APPBP2: variants seen among roughly 807,000 people sequenced by gnomAD.
APPBP2 encodes the protein amyloid protein-binding protein 2.
Under a neutral mutation model 76.0 loss-of-function variants are expected in APPBP2, and 15 were observed. That is an observed-to-expected ratio of 0.20 (90% CI 0.13 to 0.30). APPBP2 has a LOEUF of 0.30. Among genes scored for constraint, APPBP2 ranks in the 10% least tolerant of loss-of-function variants. The probability of loss-of-function intolerance (pLI) is 1.00; values close to 1 mark genes in which losing one functional copy is unlikely to be tolerated. For missense variants in APPBP2, 401 were observed against 687.2 expected, an observed-to-expected ratio of 0.58 and a Z score of 4.66; for synonymous variants, 222 against 242.2, an observed-to-expected ratio of 0.92 and a Z score of 0.77.
chr17:60,508,498 A>G (rs1053444301), intron 1 of APPBP2, among the ~76,000 whole-genome samples: 12 of 152,238 alleles, frequency 7.9e-5, no homozygotes, highest in African/African-American at 2.9e-4. Context: ...GAAAGCAGCT[A>G]GGAAAGAAGG....
At chr17:60,471,306 T>C (rs1476249380) in intron 4 of APPBP2, among the ~76,000 whole-genome samples, 1 of 152,204 alleles carries the variant, frequency 6.6e-6, no homozygotes, top group Non-Finnish European at 1.5e-5. Flanking sequence ...TGATGATTTT[T>C]ATTTTTCTTG....
intron 4 of APPBP2, among the ~76,000 whole-genome samples, chr17:60,467,327 T>C (rs188639509): frequency 1.5e-4 from 23 of 152,294 alleles, no homozygotes; most frequent in African/African-American, 5.1e-4. Context: ...AATCAACAGA[T>C]ACAAAAAATT....
chr17:60,525,537 G>A (rs2091046235), intron 1 of APPBP2, among the ~76,000 whole-genome samples: 1 of 152,222 alleles, frequency 6.6e-6, no homozygotes, highest in South Asian at 2.1e-4. Context: ...GCCTACCCAA[G>A]AGGGCCACTG....
At position 60,460,624 on chromosome 17, in the gene APPBP2, A is replaced by T. The variant is rs547102630; in HGVS notation, c.1061+39T>A. On this transcript the variant is annotated intron_variant, in intron 9 of 12. Coordinates refer to ENST00000083182, the MANE Select transcript of APPBP2 (RefSeq NM_006380.5). ...GGAAAAAACAAAATAAAACAAAAACAGTATTTCCTCCTTCAGAGAAAAGGA... is the reference window on the plus strand; with the variant it reads ...GGAAAAAACAAAATAAAACAAAAACTGTATTTCCTCCTTCAGAGAAAAGGA... The T allele has an allele frequency of 1.9e-6, 3 of 1,583,376 alleles. No individual in the cohort carries two copies. The Admixed American group carries it at 5.5e-5, about 29-fold the overall frequency.
intron 1 of APPBP2, among the ~76,000 whole-genome samples, chr17:60,514,994 G>A (rs150858860): frequency 2.8e-4 from 42 of 151,844 alleles, no homozygotes; most frequent in Admixed American, 4.6e-4. Flanking sequence ...AGTAGAGACG[G>A]GGTTTCACTA....
At chr17:60,502,936 T>C (rs2143459498) in intron 1 of APPBP2, among the ~76,000 whole-genome samples, 1 of 146,700 alleles carries the variant, frequency 6.8e-6, no homozygotes, top group Middle Eastern at 3.4e-3. Context: ...TACAATTCAC[T>C]GCATTCCTTT....
At chr17:60,472,124 T>C (rs1220088976) in intron 4 of APPBP2, among the ~76,000 whole-genome samples, 1 of 152,144 alleles carries the variant, frequency 6.6e-6, no homozygotes. Context: ...AGACTCTGTC[T>C]CATAAAATAA....
In APPBP2 at chr17:60,464,129, G is replaced by C. The variant is rs1445786667; in HGVS notation, c.673-19C>G. On this transcript the variant is annotated intron_variant, in intron 5 of 12. Transcript: ENST00000083182. Reference sequence around the variant, plus strand: ...TGTATGCCTAAAAAAATTATTTATAGAAGAGACAGAACTGTGGTTAAATCA... The same window carrying C: ...TGTATGCCTAAAAAAATTATTTATACAAGAGACAGAACTGTGGTTAAATCA... The C allele has an allele frequency of 6.3e-7, 1 of 1,576,986 alleles. No individual in the cohort carries two copies. Among genetic ancestry groups the C allele is most frequent in the Non-Finnish European group, 8.7e-7 (1 of 1,153,880 alleles).
Position 60,447,496 on chromosome 17 carries a change from G to GC in APPBP2, c.*84dup, listed in dbSNP as rs2090357947. ...GACCAGTGTTTCAATGCAAATTCCAGCCCCCCAAAACAACATGGTTTTGAT... is the reference window on the plus strand; with the variant it reads ...GACCAGTGTTTCAATGCAAATTCCAGCCCCCCCAAAACAACATGGTTTTGAT... On this transcript the variant is annotated 3_prime_UTR_variant, in exon 13 of 13. Transcript: ENST00000083182. The GC allele has an allele frequency of 1.4e-6, 2 of 1,481,362 alleles. No individual in the cohort carries two copies. The highest frequency in any genetic ancestry group is 9.0e-7 in the Non-Finnish European group (1 of 1,107,426). The allele number at this position is 1,481,362 out of a possible 1,614,324, so 91.8% of individuals were successfully genotyped here.
intron 12 of APPBP2, 137 bp downstream of exon 12, chr17:60,451,743 T>A: frequency 1.5e-6 from 1 of 689,486 alleles, no homozygotes; most frequent in Non-Finnish European, 2.4e-6. Flanking sequence ...CCTCCCAAAG[T>A]GCTGGGATTA....
intron 3 of APPBP2, among the ~76,000 whole-genome samples, chr17:60,484,389 CCT>C (rs2090656147): frequency 6.6e-6 from 1 of 152,036 alleles, no homozygotes; most frequent in Non-Finnish European, 1.5e-5. Context: ...TTGTTTGTGT[CCT>C]CTTTTATTTT....
At chr17:60,482,431 TTTTATTTTTTAGGATTAA>T (rs1567928900) in intron 3 of APPBP2, among the ~76,000 whole-genome samples, 2 of 152,178 alleles carry the variant, frequency 1.3e-5, no homozygotes, top group African/African-American at 4.8e-5. Flanking sequence ...GACAATTCTT[TTTTATTTTTTAGGATTAA>T]AAATTTATTA....
intron 12 of APPBP2, among the ~76,000 whole-genome samples, chr17:60,449,563 A>G (rs1431136667): frequency 1.3e-5 from 2 of 152,086 alleles, no homozygotes; most frequent in African/African-American, 4.8e-5. Flanking sequence ...GCCACTGCAT[A>G]CCAGCCTGGA....
At chr17:60,520,817 C>G (rs2091004456) in intron 1 of APPBP2, among the ~76,000 whole-genome samples, 1 of 152,148 alleles carries the variant, frequency 6.6e-6, no homozygotes, top group African/African-American at 2.4e-5. Flanking sequence ...CCGGCTCAGC[C>G]TCCCGAACTG....
chr17:60,470,847 G>C (rs1463814631), intron 4 of APPBP2, among the ~76,000 whole-genome samples: 2 of 151,326 alleles, frequency 1.3e-5, no homozygotes, highest in Non-Finnish European at 2.9e-5. Flanking sequence ...CTGGAGTGCA[G>C]TGGCACGATC....
intron 12 of APPBP2, among the ~76,000 whole-genome samples, chr17:60,451,657 T>C (rs1169921921): frequency 6.6e-6 from 1 of 152,006 alleles, no homozygotes; most frequent in Admixed American, 6.6e-5. Context: ...TTTGTATTTT[T>C]TAGTAGAGAT....
At chr17:60,474,463 C>A (rs965337182) in intron 4 of APPBP2, among the ~76,000 whole-genome samples, 1 of 152,146 alleles carries the variant, frequency 6.6e-6, no homozygotes, top group African/African-American at 2.4e-5. Context: ...TGTTGAGCCA[C>A]CCCGCCCAGC....
chr17:60,475,744 T>TA (rs905175841), intron 4 of APPBP2, among the ~76,000 whole-genome samples: 36 of 151,674 alleles, frequency 2.4e-4, no homozygotes, highest in Middle Eastern at 3.4e-3. Context: ...TTTTATTATT[T>TA]AAAAAAACCC....
At position 60,446,485 on chromosome 17, in the gene APPBP2, GC is replaced by G. The variant is rs1285369640; in HGVS notation, c.*1095del. 4 of 152,058 alleles carry G rather than the reference GC, an allele frequency of 2.6e-5. No homozygotes were observed. Among genetic ancestry groups the G allele is most frequent in the Non-Finnish European group, 1.5e-5 (1 of 68,012 alleles). The allele number at this position is 152,058 out of a possible 1,614,324, so 9.4% of individuals were successfully genotyped here. ...AGGATTTTCTAAGACTTATTTTTGG[GC>G]ATTCATTTTCATTAATCTCCATAAA... is the stretch of plus-strand genomic sequence containing the variant. On this transcript the variant is annotated 3_prime_UTR_variant, in exon 13 of 13. Transcript: ENST00000083182.
Sources: allele counts gnomAD v4.1 joint callset (sites outside exome capture counted in the v4.1 genomes callset), GRCh38; gene constraint gnomAD v4.1.1; transcripts MANE v1.5; gene names NCBI Gene and HGNC (gene_info 2026-07-23, HGNC 2026-07-21).